The following BCAS3 variants were observed in gnomAD, a reference collection of about 807,000 sequenced individuals.
The protein encoded by BCAS3 is BCAS4/BCAS3 fusion.
Under a neutral mutation model 116.1 loss-of-function variants are expected in BCAS3, and 53 were observed. The observed-to-expected ratio is 0.46, with a 90% CI of 0.37 to 0.57. The LOEUF (loss-of-function observed/expected upper bound fraction) is 0.57, where lower values mean the gene tolerates loss of function less well. Ranked by LOEUF, BCAS3 falls within the 20% of genes least tolerant of loss-of-function variation. The pLI, the probability that BCAS3 is intolerant of heterozygous loss-of-function variation, is 0.00. For synonymous variants in BCAS3, 391 were observed against 408.2 expected, an observed-to-expected ratio of 0.96 and a Z score of 0.51; for missense variants, 917 against 1,165.4, an observed-to-expected ratio of 0.79 and a Z score of 3.10.
In BCAS3 at chr17:61,161,789, C is replaced by T. The variant is rs59409349; in HGVS notation, c.2425+77225C>T. Among the ~76,000 whole-genome samples the T allele has an allele frequency of 6.6e-6, 1 of 152,142 alleles. No individual in the cohort carries two copies. Among genetic ancestry groups the T allele is most frequent in the Non-Finnish European group, 1.5e-5 (1 of 68,042 alleles). ...GAGTTGCTGTCTGGTTGGTTGAACT[C>T]ATTCTCCTCAGCTTATATTTAACTC... On this transcript the variant is annotated intron_variant, in intron 22 of 23. Transcript: ENST00000407086. This position sits in a 1 kb window ranked among gnomAD's most constrained non-coding sequence, Gnocchi z 4.8.
chr17:61,202,288 A>G (rs925178691), intron 22 of BCAS3, among the ~76,000 whole-genome samples: 3 of 151,348 alleles, frequency 2.0e-5, no homozygotes, highest in Non-Finnish European at 4.4e-5. Context: ...CAGGCACCCA[A>G]AAAGGTGGTG....
chr17:61,006,025 C>G (rs2064676045), intron 15 of BCAS3, among the ~76,000 whole-genome samples: 2 of 151,892 alleles, frequency 1.3e-5, no homozygotes, highest in Admixed American at 1.3e-4. Context: ...TCAATTCCCA[C>G]CTATGAGTGA....
chr17:60,755,333 A>T (rs949499169), intron 6 of BCAS3, among the ~76,000 whole-genome samples: 4 of 152,202 alleles, frequency 2.6e-5, no homozygotes, highest in Non-Finnish European at 4.4e-5. Flanking sequence ...GGTTGTTTGT[A>T]TACATTATTA....
chr17:61,294,441 A>G (rs577844597), intron 22 of BCAS3, among the ~76,000 whole-genome samples: 15 of 152,302 alleles, frequency 9.8e-5, no homozygotes, highest in African/African-American at 3.6e-4. Flanking sequence ...TGCTAGCCAC[A>G]GCGTGGTATT....
chr17:61,388,714 G>C lies in BCAS3; in HGVS notation c.2594-3263G>C. Reference sequence around the variant, plus strand: ...TGCGTTCGGGATGGAGGAAGGTAAGGCCACACGTTTCCATTTGCCGCTTGC... The same window carrying C: ...TGCGTTCGGGATGGAGGAAGGTAAGCCCACACGTTTCCATTTGCCGCTTGC... On this transcript the variant is annotated intron_variant, in intron 23 of 23. Coordinates refer to ENST00000407086, the MANE Select transcript of BCAS3 (RefSeq NM_017679.5). This position sits in a 1 kb window ranked among gnomAD's most constrained non-coding sequence, Gnocchi z 6.5. The C allele has an allele frequency of 2.6e-6, 4 of 1,546,524 alleles. No homozygotes were observed. The highest frequency in any genetic ancestry group is 2.4e-5 in the South Asian group (2 of 84,274).
intron 7 of BCAS3, among the ~76,000 whole-genome samples, chr17:60,836,279 T>C (rs1156479590): frequency 1.3e-5 from 2 of 152,142 alleles, no homozygotes; most frequent in Non-Finnish European, 2.9e-5. Context: ...TCAGACAGAG[T>C]GATTAAATCT....
At position 61,356,580 on chromosome 17, in the gene BCAS3, G is replaced by A. The variant is rs1256106674; in HGVS notation, c.2426-11747G>A. Among the ~76,000 whole-genome samples the A allele has an allele frequency of 6.6e-6, 1 of 152,198 alleles. No homozygotes were observed. The highest frequency in any genetic ancestry group is 2.4e-5 in the African/African-American group (1 of 41,456). ...CTCAATGACCTCATGATGTGTGAGG[G>A]CCTCAGCCATTTCTTGACAGTCATG... is the stretch of plus-strand genomic sequence containing the variant. On this transcript the variant is annotated intron_variant, in intron 22 of 23. Coordinates refer to ENST00000407086, the MANE Select transcript of BCAS3 (RefSeq NM_017679.5). The surrounding 1 kb of genome is among the most constrained non-coding windows in gnomAD (Gnocchi z 5.4).
chr17:60,955,949 C>T (rs924150796), intron 14 of BCAS3, among the ~76,000 whole-genome samples: 17 of 152,158 alleles, frequency 1.1e-4, no homozygotes, highest in African/African-American at 3.9e-4. Context: ...TGATGATGAT[C>T]AGTTTAATCA....
At chr17:60,898,381 AT>A (rs1356441130) in intron 10 of BCAS3, among the ~76,000 whole-genome samples, 62 of 152,132 alleles carry the variant, frequency 4.1e-4, no homozygotes, top group African/African-American at 1.3e-3. Flanking sequence ...TAATGAAGAT[AT>A]ATCTATAGTA....
At chr17:61,230,290 T>C (rs7213762) in intron 22 of BCAS3, among the ~76,000 whole-genome samples, 151,909 of 152,298 alleles carry the variant, frequency 1, 75,761 homozygotes, top group Middle Eastern at 1. Flanking sequence ...TCCACCATTA[T>C]GTACCCCCCA....
rs1419508303 is a variant in BCAS3, at chr17:61,339,285, C to T, written c.2426-29042C>T. On this transcript the variant is annotated intron_variant, in intron 22 of 23. Transcript: ENST00000407086. This position sits in a 1 kb window ranked among gnomAD's most constrained non-coding sequence, Gnocchi z 4.4. ...CCTCTCCTTCATCCCAGGTCACACC[C>T]AAAAGCCAATGAAGAAAGGGTTTTG... 1.3e-5 allele frequency among the ~76,000 whole-genome samples: 2 copies of T among 152,180 alleles called. No homozygotes were observed. Among genetic ancestry groups the T allele is most frequent in the African/African-American group, 4.8e-5 (2 of 41,428 alleles).
At chr17:60,882,933 T>C in intron 9 of BCAS3, among the ~76,000 whole-genome samples, 1 of 118,596 alleles carries the variant, frequency 8.4e-6, no homozygotes, top group African/African-American at 3.7e-5. Context: ...GGGCTCTTTT[T>C]TGGTTCCATA....
At position 61,224,110 on chromosome 17, in the gene BCAS3, G is replaced by A. The variant is rs1221272341; in HGVS notation, c.2425+139546G>A. ...TAGTCCCATCTTTTCTCCTATATTT[G>A]ATTATAGAAAGCAGTTTTTATTTTT... On this transcript the variant is annotated intron_variant, in intron 22 of 23. Transcript: ENST00000407086. This position sits in a 1 kb window ranked among gnomAD's most constrained non-coding sequence, Gnocchi z 5.7. Among the ~76,000 whole-genome samples the A allele has an allele frequency of 6.6e-6, 1 of 152,126 alleles. No individual in the cohort carries two copies. The highest frequency in any genetic ancestry group is 1.5e-5 in the Non-Finnish European group (1 of 68,026).
chr17:60,794,158 G>A (rs2047015227), intron 6 of BCAS3, among the ~76,000 whole-genome samples: 1 of 152,174 alleles, frequency 6.6e-6, no homozygotes, highest in African/African-American at 2.4e-5. Flanking sequence ...CTGATCATTA[G>A]TGGTATTGAG....
intron 22 of BCAS3, chr17:61,086,587 C>A: frequency 1.6e-6 from 1 of 638,118 alleles, no homozygotes. Context: ...TAATTTGCAT[C>A]AGAGATACAC....
intron 19 of BCAS3, among the ~76,000 whole-genome samples, chr17:61,054,954 G>A (rs1222811537): frequency 1.3e-5 from 2 of 152,204 alleles, no homozygotes; most frequent in African/African-American, 2.4e-5. Flanking sequence ...TGGTTGTAAA[G>A]CCTGTAGGCT....
rs2080503839 is a variant in BCAS3, at chr17:61,196,762, C to T, written c.2425+112198C>T. 6.6e-6 allele frequency among the ~76,000 whole-genome samples: 1 copy of T among 152,172 alleles called. No individual in the cohort carries two copies. The highest frequency in any genetic ancestry group is 2.4e-5 in the African/African-American group (1 of 41,444). Reference sequence around the variant, plus strand: ...GCTTGCATTTATCGGCATTCATGCTCCGTTTTTTCTGTTTATCATAGGGTC... The same window carrying T: ...GCTTGCATTTATCGGCATTCATGCTTCGTTTTTTCTGTTTATCATAGGGTC... On this transcript the variant is annotated intron_variant, in intron 22 of 23. Coordinates refer to ENST00000407086, the MANE Select transcript of BCAS3 (RefSeq NM_017679.5). This position sits in a 1 kb window ranked among gnomAD's most constrained non-coding sequence, Gnocchi z 4.7.
intron 7 of BCAS3, among the ~76,000 whole-genome samples, chr17:60,855,015 TCTC>T (rs202232083): frequency 0.063 from 9,053 of 143,928 alleles, 951 homozygotes; most frequent in African/African-American, 0.23. Context: ...AGTGGTGCGA[TCTC>T]AGCTCACTGC....
rs2060122393 is a variant in BCAS3 at position 61,391,392 on chromosome 17, A to G, written c.2594-585A>G. The G allele has an allele frequency of 6.6e-6, 1 of 152,668 alleles. No homozygotes were observed. The highest frequency in any genetic ancestry group is 6.5e-5 in the Admixed American group (1 of 15,288). 9.5% of individuals were successfully genotyped at this position (152,668 alleles called of 1,614,324 possible). On this transcript the variant is annotated intron_variant, in intron 23 of 23. Coordinates refer to ENST00000407086, the MANE Select transcript of BCAS3 (RefSeq NM_017679.5). The surrounding 1 kb of genome is among the most constrained non-coding windows in gnomAD (Gnocchi z 7.7). ...AGGCATCCCCTCCCAGGGAAACAGG[A>G]CACTTGGCAGGAGGTGCCAAAGATG... is the stretch of plus-strand genomic sequence containing the variant.
Sources: gnomAD v4.1 joint callset for allele counts (sites outside exome capture counted in the v4.1 genomes callset) on GRCh38, gnomAD v4.1.1 for gene constraint, Gnocchi (gnomAD v3.1) non-coding constraint, MANE v1.5 for transcripts, NCBI Gene and HGNC (gene_info 2026-07-23, HGNC 2026-07-21) for gene names.